MAPK9: variants seen among roughly 807,000 people sequenced by gnomAD.
MAPK9 encodes the protein mitogen-activated protein kinase 9.
MAPK9 carries 30 observed loss-of-function variants against 57.1 expected under a neutral mutation model. The ratio of observed to expected loss-of-function variants is 0.53; its 90% CI spans 0.39 to 0.71. MAPK9 has a LOEUF of 0.71. MAPK9 is among the 30% of genes least tolerant of loss of function. The pLI, the probability that MAPK9 is intolerant of heterozygous loss-of-function variation, is 0.00. For missense variants in MAPK9, 362 were observed against 521.0 expected (o/e 0.69, Z 2.97); for synonymous variants, 155 against 177.0 (o/e 0.88, Z 0.99).
Position 180,247,822 on chromosome 5 carries a change from A to G in MAPK9, c.617-312T>C. 6.2e-7 allele frequency: 1 copy of G among 1,610,544 alleles called. No individual in the cohort carries two copies. The highest frequency in any genetic ancestry group is 8.5e-7 in the Non-Finnish European group (1 of 1,176,816). ...GGGCCACACGCCCACCCCAGCCTCC[A>G]TGGCCAAGTACCGGGTCCCCTGTGA... On this transcript the variant is annotated intron_variant, in intron 6 of 11. Transcript: ENST00000452135. This position sits in a 1 kb window ranked among gnomAD's most constrained non-coding sequence, Gnocchi z 4.5.
At chr5:180,286,380 A>G (rs963026919) in intron 1 of MAPK9, among the ~76,000 whole-genome samples, 2 of 150,818 alleles carry the variant, frequency 1.3e-5, no homozygotes, top group African/African-American at 4.9e-5. Flanking sequence ...TCCTGACCTT[A>G]TGATCCGCCC....
At chr5:180,267,413 T>A (rs897372158) in intron 3 of MAPK9, among the ~76,000 whole-genome samples, 30 of 151,342 alleles carry the variant, frequency 2.0e-4, no homozygotes, top group African/African-American at 6.3e-4. Context: ...ATACAAAAAA[T>A]TAGCTGGGTG....
At chr5:180,275,690 G>A (rs1250178742) in intron 2 of MAPK9, among the ~76,000 whole-genome samples, 3 of 152,166 alleles carry the variant, frequency 2.0e-5, no homozygotes, top group Non-Finnish European at 4.4e-5. Context: ...GGGAATGTTG[G>A]CAGAAAACTG....
In MAPK9 at chr5:180,233,191, CA is replaced by C. The variant is rs1756965527; in HGVS notation, c.*3192del. On this transcript the variant is annotated 3_prime_UTR_variant, in exon 12 of 12. Coordinates refer to ENST00000452135, the MANE Select transcript of MAPK9 (RefSeq NM_002752.5). ...AAGTACTAAACAGCCTGAAGTGCTT[CA>C]AACACAGACGTCAGATGAACTTGGC... 1.3e-5 allele frequency: 2 copies of C among 152,210 alleles called. No homozygotes were observed. Among genetic ancestry groups the C allele is most frequent in the Admixed American group, 1.3e-4 (2 of 15,268 alleles). 9.4% of individuals were successfully genotyped at this position (152,210 alleles called of 1,614,324 possible). A position where few individuals can be genotyped will look rare whatever the true frequency, so the allele number is the denominator to read the frequency against.
At chr5:180,265,108 A>G (rs1760391182) in intron 3 of MAPK9, among the ~76,000 whole-genome samples, 1 of 152,256 alleles carries the variant, frequency 6.6e-6, no homozygotes, top group Non-Finnish European at 1.5e-5. Context: ...TGAACATAAA[A>G]AAGTAGAATT....
At chr5:180,266,350 T>C (rs1760547857) in intron 3 of MAPK9, among the ~76,000 whole-genome samples, 2 of 151,920 alleles carry the variant, frequency 1.3e-5, no homozygotes, top group South Asian at 2.1e-4. Context: ...GTTTCATTCT[T>C]GTCCCCCAGG....
In MAPK9 at chr5:180,247,591, T is replaced by A; in HGVS notation, c.617-81A>T. 2 of 1,194,978 alleles carry A rather than the reference T, an allele frequency of 1.7e-6. No homozygotes were observed. Among genetic ancestry groups the A allele is most frequent in the Non-Finnish European group, 1.2e-6 (1 of 815,602 alleles). 74.0% of individuals were successfully genotyped at this position (1,194,978 alleles called of 1,614,324 possible). On this transcript the variant is annotated intron_variant, in intron 6 of 11. Transcript: ENST00000452135. This position sits in a 1 kb window ranked among gnomAD's most constrained non-coding sequence, Gnocchi z 4.5. Reference sequence around the variant, plus strand: ...AGGAAAAGGAATTCTAACAGTGCACTAAACACACAAATATGGAAAAATAAA... The same window carrying A: ...AGGAAAAGGAATTCTAACAGTGCACAAAACACACAAATATGGAAAAATAAA...
chr5:180,286,532 C>T (rs1004277600), intron 1 of MAPK9, among the ~76,000 whole-genome samples: 2 of 151,786 alleles, frequency 1.3e-5, no homozygotes, highest in Non-Finnish European at 2.9e-5. Context: ...CAGGGCCATC[C>T]TCTGTAGTTC....
chr5:180,254,552 G>A (rs761964129), intron 5 of MAPK9, among the ~76,000 whole-genome samples: 13 of 152,164 alleles, frequency 8.5e-5, no homozygotes, highest in Non-Finnish European at 4.4e-5. Context: ...TGAAAGAAAT[G>A]ATATAAATTT....
chr5:180,279,236 G>T (rs1170313651), intron 2 of MAPK9, among the ~76,000 whole-genome samples: 2 of 152,132 alleles, frequency 1.3e-5, no homozygotes, highest in Non-Finnish European at 2.9e-5. Flanking sequence ...GATTACAGGC[G>T]TGAGCCACCG....
At chr5:180,263,780 A>G (rs992372358) in intron 4 of MAPK9, among the ~76,000 whole-genome samples, 1 of 140,816 alleles carries the variant, frequency 7.1e-6, no homozygotes. Context: ...ATCTTGGCTC[A>G]CTGCAAGCTC....
chr5:180,265,627 C>T (rs867362582), intron 3 of MAPK9, among the ~76,000 whole-genome samples: 2 of 152,298 alleles, frequency 1.3e-5, no homozygotes, highest in East Asian at 1.9e-4. Context: ...TTATTTAAAC[C>T]GCTTTCCTTT....
rs73343412 is a variant in MAPK9, at chr5:180,280,499, A to C, written c.63T>G (p.Thr21=). ...YSVQVADSTF[T]VLKRYQQLKP... is the part of the protein sequence containing the mutation. Reference sequence around the variant, plus strand: ...TCAGCTGCTGGTAACGTTTTAGGACAGTGAAGGTTGAGTCTGCCACTTGCA... The same window carrying C: ...TCAGCTGCTGGTAACGTTTTAGGACCGTGAAGGTTGAGTCTGCCACTTGCA... The change falls in exon 2 of 12, where the codon ACT becomes ACG. Residue 21 remains threonine (T), a synonymous_variant. Coordinates refer to ENST00000452135, the MANE Select transcript of MAPK9 (RefSeq NM_002752.5). The C allele has an allele frequency of 2.8e-4, 445 of 1,614,246 alleles. 2 individuals are homozygous for C. In the African/African-American group the frequency reaches 4.8e-3, roughly 17 times the overall value.
chr5:180,273,843 C>T (rs1761580883), intron 2 of MAPK9, among the ~76,000 whole-genome samples: 1 of 152,214 alleles, frequency 6.6e-6, no homozygotes, highest in African/African-American at 2.4e-5. Flanking sequence ...CCTTGCACCA[C>T]ACGACACCAG....
chr5:180,269,865 G>GTTTTTAGTGTTTAGATAC (rs1405925353), intron 2 of MAPK9, among the ~76,000 whole-genome samples: 1 of 152,156 alleles, frequency 6.6e-6, no homozygotes, highest in Non-Finnish European at 1.5e-5. Flanking sequence ...TTGAATCACT[G>GTTTTTAGTGTTTAGATAC]TGTTTTTTTC....
chr5:180,290,337 A>G (rs931180932), intron 1 of MAPK9, among the ~76,000 whole-genome samples: 2 of 152,012 alleles, frequency 1.3e-5, no homozygotes, highest in African/African-American at 4.8e-5. Flanking sequence ...CAAATTTCTT[A>G]TCACCCTCAA....
intron 7 of MAPK9, among the ~76,000 whole-genome samples, chr5:180,243,958 G>A (rs549222544): frequency 2.0e-5 from 3 of 152,088 alleles, no homozygotes; most frequent in East Asian, 1.9e-4. Flanking sequence ...AGTAATTCTC[G>A]TGCCTCAGCC....
chr5:180,239,663 T>C (rs559021182), intron 10 of MAPK9, among the ~76,000 whole-genome samples: 1 of 152,320 alleles, frequency 6.6e-6, no homozygotes. Context: ...TAAGCTCAGT[T>C]TATAAATCAA....
rs185066425 is a variant in MAPK9, at chr5:180,268,021, T to G, written c.252+1259A>C. ...TGTACTTTTTAGTAGAGATGGGGTT[T>G]CACCATGTTAGCCAGGATGGTCTCT... On this transcript the variant is annotated intron_variant, in intron 3 of 11. Transcript: ENST00000452135. 2.2e-4 allele frequency among the ~76,000 whole-genome samples: 33 copies of G among 152,202 alleles called. No homozygotes were observed. The East Asian group carries it at 3.7e-3, about 17-fold the overall frequency.
Sources: allele counts gnomAD v4.1 joint callset (sites outside exome capture counted in the v4.1 genomes callset), GRCh38; gene constraint gnomAD v4.1.1; non-coding constraint Gnocchi (gnomAD v3.1); transcripts MANE v1.5; gene names NCBI Gene and HGNC (gene_info 2026-07-23, HGNC 2026-07-21).